The following CDKL5 variants were observed in gnomAD, a reference collection of about 807,000 sequenced individuals.
The protein encoded by CDKL5 is cyclin dependent kinase like 5.
A neutral mutation model predicts 61.7 loss-of-function variants in CDKL5; 8 were observed. The ratio of observed to expected loss-of-function variants is 0.13; its 90% CI spans 0.08 to 0.23. The LOEUF is 0.23. Ranked by LOEUF, CDKL5 falls within the 10% of genes least tolerant of loss-of-function variation. CDKL5 has a pLI of 1.00. For synonymous variants in CDKL5, 275 were observed against 272.3 expected (o/e 1.01, Z -0.10); for missense variants, 440 against 734.5 (o/e 0.60, Z 4.63).
intron 4 of CDKL5, among the ~76,000 whole-genome samples, chrX:18,568,187 A>G (rs1003703771): frequency 8.9e-6 from 1 of 111,991 alleles, no homozygotes; most frequent in African/African-American, 3.2e-5. Context: ...CTATTCTCTC[A>G]CTGATATCAC....
chrX:18,501,844 C>T (rs1016109117), intron 1 of CDKL5, among the ~76,000 whole-genome samples: 6 of 112,472 alleles, frequency 5.3e-5, no homozygotes, highest in Admixed American at 2.8e-4. Context: ...CCACCACGCC[C>T]GGCCACAAAT....
rs916465516 is a variant in CDKL5, at chrX:18,634,660, C to T, written c.*5903C>T. On this transcript the variant is annotated 3_prime_UTR_variant, in exon 18 of 18. Transcript: ENST00000623535. Reference sequence around the variant, plus strand: ...CTCCCCTTGTTTACTCTTTGGTCACCGATCGAGTCAGGCTAGAGGGGTAAT... The same window carrying T: ...CTCCCCTTGTTTACTCTTTGGTCACTGATCGAGTCAGGCTAGAGGGGTAAT... 4.0e-6 allele frequency: 3 copies of T among 751,365 alleles called. No homozygotes were observed. The highest frequency in any genetic ancestry group is 9.0e-5 in the Admixed American group (1 of 11,165). The allele number at this position is 751,365 out of a possible 1,213,427, so 61.9% of individuals were successfully genotyped here.
At chrX:18,465,637 C>T (rs951335859) in intron 1 of CDKL5, among the ~76,000 whole-genome samples, 3 of 111,415 alleles carry the variant, frequency 2.7e-5, no homozygotes, top group African/African-American at 9.8e-5. Context: ...CCACTGCTCT[C>T]CAGCCTGGGC....
At chrX:18,486,470 T>A (rs765622918) in intron 1 of CDKL5, among the ~76,000 whole-genome samples, 1 of 112,379 alleles carries the variant, frequency 8.9e-6, no homozygotes, top group South Asian at 3.6e-4. Context: ...TAATTGTCTA[T>A]TTTTTGCTTT....
At chrX:18,645,862 C>T in intron 19 of CDKL5, 2 of 853,109 alleles carry the variant, frequency 2.3e-6, no homozygotes, top group Non-Finnish European at 3.3e-6. Flanking sequence ...ATGGCATTTC[C>T]TAGTCTCCCT....
intron 1 of CDKL5, among the ~76,000 whole-genome samples, chrX:18,499,643 A>G (rs1484017941): frequency 8.9e-6 from 1 of 112,069 alleles, no homozygotes; most frequent in Non-Finnish European, 1.9e-5. Flanking sequence ...TGCTGGGATT[A>G]CAGGCGTGAG....
Position 18,587,960 on chromosome X carries a change from C to A in CDKL5, c.561C>A (p.Pro187=). Residue 187 remains proline (P), a synonymous_variant, in exon 9 of 18, where the codon CCC becomes CCA. Transcript: ENST00000623535. ...CTCTTCCTTTATTTTTCAGCGCTCC[C>A]TATGGAAAGTCCGTGGACATGTGGT... The part of the protein sequence containing the change: ...YRSPELLLGA[P]YGKSVDMWSV... 8.3e-7 allele frequency: 1 copy of A among 1,209,351 alleles called. No individual in the cohort carries two copies. Among genetic ancestry groups the A allele is most frequent in the East Asian group, 3.0e-5 (1 of 33,854 alleles).
At chrX:18,651,281 G>C (rs1363145117) in intron 21 of CDKL5, among the ~76,000 whole-genome samples, 1 of 108,595 alleles carries the variant, frequency 9.2e-6, no homozygotes, top group Admixed American at 1.0e-4. Context: ...GAGAGAGAGA[G>C]AGAGAGACAG....
chrX:18,597,509 T>G (rs1926034889), intron 10 of CDKL5, among the ~76,000 whole-genome samples: 2 of 110,522 alleles, frequency 1.8e-5, no homozygotes, highest in East Asian at 2.8e-4. Flanking sequence ...ACTTAAAAGT[T>G]TATGAAACTT....
chrX:18,483,448 C>T (rs1447114654), intron 1 of CDKL5, among the ~76,000 whole-genome samples: 2 of 109,939 alleles, frequency 1.8e-5, no homozygotes, highest in African/African-American at 6.6e-5. Flanking sequence ...GATGGAGTCT[C>T]GCTCTGTTGC....
Position 18,631,328 on chromosome X carries a change from T to G in CDKL5, c.*2571T>G. On this transcript the variant is annotated 3_prime_UTR_variant, in exon 18 of 18. Transcript: ENST00000623535. ...TGTTTTCGAGGTAGCTCTTTAATCC[T>G]CTTCTCAGCTTTTGTCTGTTCTGAC... 8.0e-6 allele frequency: 6 copies of G among 753,861 alleles called. No individual in the cohort carries two copies. The highest frequency in any genetic ancestry group is 9.4e-6 in the Non-Finnish European group (6 of 638,614). 62.1% of individuals were successfully genotyped at this position (753,861 alleles called of 1,213,427 possible). A position where few individuals can be genotyped will look rare whatever the true frequency, so the allele number is the denominator to read the frequency against.
chrX:18,548,976 G>A (rs1221774900), intron 3 of CDKL5, among the ~76,000 whole-genome samples: 1 of 111,810 alleles, frequency 8.9e-6, no homozygotes, highest in Non-Finnish European at 1.9e-5. Flanking sequence ...TTAGGATATT[G>A]TATTTGCCAG....
intron 16 of CDKL5, 121 bp from the exon 17 acceptor site, chrX:18,625,007 T>C (rs1174488261): frequency 4.8e-6 from 3 of 626,107 alleles, no homozygotes; most frequent in Non-Finnish European, 5.3e-6. Context: ...CTATTTTTAC[T>C]GGGTTATTTG....
intron 1 of CDKL5, among the ~76,000 whole-genome samples, chrX:18,486,826 G>A (rs752062994): frequency 8.1e-5 from 9 of 111,747 alleles, no homozygotes; most frequent in African/African-American, 2.9e-4. Context: ...ATAAGTGCTT[G>A]ATGAATATTT....
intron 16 of CDKL5, chrX:18,624,111 A>G: frequency 3.6e-6 from 1 of 279,103 alleles, no homozygotes; most frequent in Non-Finnish European, 4.8e-6. Flanking sequence ...TATGCTAGTT[A>G]AGTACGTGAG....
At chrX:18,445,149 C>T (rs1931845792) in intron 1 of CDKL5, among the ~76,000 whole-genome samples, 2 of 106,041 alleles carry the variant, frequency 1.9e-5, no homozygotes, top group African/African-American at 7.0e-5. Context: ...ACGATCTCAG[C>T]TCACTGCATC....
At chrX:18,622,904 A>G (rs772060452) in intron 16 of CDKL5, among the ~76,000 whole-genome samples, 3 of 112,273 alleles carry the variant, frequency 2.7e-5, no homozygotes, top group South Asian at 3.7e-4. Flanking sequence ...CATTGGAACA[A>G]GAAAATTTGT....
At position 18,635,419 on chromosome X, in the gene CDKL5, A is replaced by G. The variant is rs897144392; in HGVS notation, c.*6662A>G. 42 of 752,619 alleles carry G rather than the reference A, an allele frequency of 5.6e-5. No homozygotes were observed. The highest frequency in any genetic ancestry group is 6.9e-5 in the African/African-American group (3 of 43,233). The allele number at this position is 752,619 out of a possible 1,213,427, so 62.0% of individuals were successfully genotyped here. A position where few individuals can be genotyped will look rare whatever the true frequency, so the allele number is the denominator to read the frequency against. On this transcript the variant is annotated 3_prime_UTR_variant, in exon 18 of 18. Coordinates refer to ENST00000623535, the MANE Select transcript of CDKL5 (RefSeq NM_001323289.2). The stretch of plus-strand genomic sequence containing the variant: ...CTGATGTGACTGCCAGGCCGTCCCA[A>G]TCTTGAGCACTGTGGTCCTTCGTGT...
intron 1 of CDKL5, among the ~76,000 whole-genome samples, chrX:18,493,169 G>T (rs764675798): frequency 8.9e-6 from 1 of 111,943 alleles, no homozygotes; most frequent in African/African-American, 3.2e-5. Flanking sequence ...CTCTAAGAGA[G>T]CCAACAACTC....
Sources: allele counts gnomAD v4.1 joint callset (sites outside exome capture counted in the v4.1 genomes callset), GRCh38; gene constraint gnomAD v4.1.1; transcripts MANE v1.5; gene names NCBI Gene and HGNC (gene_info 2026-07-23, HGNC 2026-07-21).